Variants in ACTR3 observed in about 807,000 individuals in gnomAD.
ACTR3 encodes actin-related protein 3.
In ACTR3, 12 loss-of-function variants were observed where a neutral mutation model predicts 56.8. The observed-to-expected ratio is 0.21, with a 90% CI of 0.14 to 0.34. ACTR3 has a LOEUF of 0.34. ACTR3 is among the 10% of genes least tolerant of loss of function. ACTR3 has a pLI of 1.00. For synonymous variants in ACTR3, 162 were observed against 167.4 expected (o/e 0.97, Z 0.25); for missense variants, 282 against 512.5 (o/e 0.55, Z 4.34).
Position 113,959,635 on chromosome 2 carries a change from C to G in ACTR3, c.*2180C>G, listed in dbSNP as rs76502791. ...TTTGCTCTACTTTTAGAGGAGTGAA[C>G]CCTAATAGGATGGTAGCAGCATTCT... On this transcript the variant is annotated 3_prime_UTR_variant, in exon 12 of 12. Transcript: ENST00000263238. 1 of 152,084 alleles carries G rather than the reference C, an allele frequency of 6.6e-6. No individual in the cohort carries two copies. Among genetic ancestry groups the G allele is most frequent in the East Asian group, 1.9e-4 (1 of 5,188 alleles). 9.4% of individuals were successfully genotyped at this position (152,084 alleles called of 1,614,324 possible).
intron 1 of ACTR3, among the ~76,000 whole-genome samples, chr2:113,896,880 A>G (rs1302939370): frequency 6.6e-6 from 1 of 152,228 alleles, no homozygotes; most frequent in Non-Finnish European, 1.5e-5. Context: ...GCTCTAGCTA[A>G]ATTTCCCTTG....
intron 3 of ACTR3, among the ~76,000 whole-genome samples, chr2:113,925,607 G>A (rs1051368197): frequency 3.3e-5 from 5 of 152,194 alleles, no homozygotes; most frequent in Admixed American, 2.0e-4. Flanking sequence ...ATTTGTGCCA[G>A]TGGCTTACAG....
In ACTR3 at chr2:113,958,062, A is replaced by G. The variant is rs911756557; in HGVS notation, c.*607A>G. On this transcript the variant is annotated 3_prime_UTR_variant, in exon 12 of 12. Transcript: ENST00000263238. The stretch of plus-strand genomic sequence containing the variant: ...AACTAAGAGCTAGTATCTTGGATTA[A>G]CTGATGCCTGCTAGTGCTTTCTGAT... The G allele has an allele frequency of 2.0e-5, 3 of 152,470 alleles. No homozygotes were observed. The allele number at this position is 152,470 out of a possible 1,614,324, so 9.4% of individuals were successfully genotyped here. A position where few individuals can be genotyped will look rare whatever the true frequency, so the allele number is the denominator to read the frequency against.
At chr2:113,949,176 G>C (rs1277440833) in intron 8 of ACTR3, among the ~76,000 whole-genome samples, 1 of 151,174 alleles carries the variant, frequency 6.6e-6, no homozygotes, top group Non-Finnish European at 1.5e-5. Context: ...TCAGGAGTTC[G>C]AGATCAGCCT....
chr2:113,937,797 A>G (rs1679854963), intron 6 of ACTR3, among the ~76,000 whole-genome samples: 2 of 152,082 alleles, frequency 1.3e-5, no homozygotes, highest in Admixed American at 1.3e-4. Flanking sequence ...GTTTTTAGCA[A>G]TTTGATTGTG....
At chr2:113,900,111 T>G (rs998499109) in intron 1 of ACTR3, among the ~76,000 whole-genome samples, 8 of 152,172 alleles carry the variant, frequency 5.3e-5, no homozygotes, top group African/African-American at 1.9e-4. Context: ...TACTGTAAAG[T>G]TTACTCTTTT....
At chr2:113,943,932 AAC>A (rs781518868) in intron 8 of ACTR3, among the ~76,000 whole-genome samples, 1 of 152,222 alleles carries the variant, frequency 6.6e-6, no homozygotes, top group Non-Finnish European at 1.5e-5. Flanking sequence ...GGCCTTCGTG[AAC>A]ACAGACACGT....
chr2:113,890,226 C>G lies in ACTR3; in HGVS notation c.-54C>G. 1 of 1,550,384 alleles carries G rather than the reference C, an allele frequency of 6.5e-7. No homozygotes were observed. Among genetic ancestry groups the G allele is most frequent in the Non-Finnish European group, 8.7e-7 (1 of 1,146,014 alleles). On this transcript the variant is annotated 5_prime_UTR_variant, in exon 1 of 12. Coordinates refer to ENST00000263238, the MANE Select transcript of ACTR3 (RefSeq NM_005721.5). Reference sequence around the variant, plus strand: ...CTTGTCTCCCGCCGCCAATCTCTGGCCCCTAGCAGCACGGAGCAGACGGCG... The same window carrying G: ...CTTGTCTCCCGCCGCCAATCTCTGGGCCCTAGCAGCACGGAGCAGACGGCG...
chr2:113,918,350 ATAT>A (rs1203329433), intron 3 of ACTR3, among the ~76,000 whole-genome samples: 1 of 149,482 alleles, frequency 6.7e-6, no homozygotes, highest in Admixed American at 6.6e-5. Context: ...TAAAATGGAG[ATAT>A]TATTAGTACT....
intron 1 of ACTR3, among the ~76,000 whole-genome samples, chr2:113,908,233 GC>G (rs1199516928): frequency 2.0e-5 from 3 of 148,862 alleles, no homozygotes; most frequent in Non-Finnish European, 4.4e-5. Flanking sequence ...TATGTCAAAT[GC>G]CAATTAGCTG....
In ACTR3 at chr2:113,942,363, A is replaced by T. The variant is rs757891294; in HGVS notation, c.858+4A>T. Reference sequence around the variant, plus strand: ...TGAAATCTTTTTTCATCCAGAGGTAATTTTTTTTAACGGAATTGTTTAAAA... The same window carrying T: ...TGAAATCTTTTTTCATCCAGAGGTATTTTTTTTTAACGGAATTGTTTAAAA... On this transcript the variant is annotated splice_donor_region_variant and intron_variant, in intron 8 of 11. Transcript: ENST00000263238. 3.2e-6 allele frequency: 5 copies of T among 1,558,826 alleles called. No individual in the cohort carries two copies. In the South Asian group the frequency reaches 4.9e-5, roughly 15 times the overall value.
chr2:113,956,888 TG>T (rs1680225344), intron 11 of ACTR3, among the ~76,000 whole-genome samples: 1 of 152,224 alleles, frequency 6.6e-6, no homozygotes, highest in Non-Finnish European at 1.5e-5. Context: ...TAACACAGCA[TG>T]GAACAGTCTA....
intron 8 of ACTR3, among the ~76,000 whole-genome samples, chr2:113,948,956 CTA>C (rs1030382641): frequency 1.5e-5 from 1 of 68,320 alleles, no homozygotes; most frequent in Non-Finnish European, 2.4e-5. Flanking sequence ...TTCGTATATC[CTA>C]TGTCTTTTTC....
intron 8 of ACTR3, among the ~76,000 whole-genome samples, chr2:113,946,634 TTTTCTCCCATTCTGTAGG>T (rs1680025499): frequency 6.6e-6 from 1 of 152,196 alleles, no homozygotes; most frequent in Admixed American, 6.5e-5. Context: ...TTTGCAAAGA[TTTTCTCCCATTCTGTAGG>T]TTGTCTGTTT....
At chr2:113,914,631 A>AT (rs1279887655) in intron 2 of ACTR3, among the ~76,000 whole-genome samples, 2 of 141,924 alleles carry the variant, frequency 1.4e-5, no homozygotes, top group African/African-American at 5.9e-5. Flanking sequence ...AAAAAAAAAA[A>AT]AAGAAAGAAA....
rs1223606680 is a variant in ACTR3, at chr2:113,913,153, A to G, written c.45-19A>G. ...GCTAAAATATTAGTGAAATCTTTATAAATTATTTTGTTTTGCAGGTATACA... is the reference window on the plus strand; with the variant it reads ...GCTAAAATATTAGTGAAATCTTTATGAATTATTTTGTTTTGCAGGTATACA... On this transcript the variant is annotated intron_variant, in intron 1 of 11. Transcript: ENST00000263238. The G allele has an allele frequency of 1.3e-6, 2 of 1,490,518 alleles. No homozygotes were observed. Among genetic ancestry groups the G allele is most frequent in the South Asian group, 2.5e-5 (2 of 80,828 alleles). 92.3% of individuals were successfully genotyped at this position (1,490,518 alleles called of 1,614,324 possible).
intron 8 of ACTR3, among the ~76,000 whole-genome samples, chr2:113,945,507 A>G (rs771799145): frequency 2.6e-5 from 4 of 152,152 alleles, no homozygotes; most frequent in African/African-American, 4.8e-5. Flanking sequence ...TATTAGGTAA[A>G]TCAATAGTAT....
chr2:113,935,518 G>C (rs549698800), intron 6 of ACTR3, among the ~76,000 whole-genome samples: 1 of 152,222 alleles, frequency 6.6e-6, no homozygotes, highest in South Asian at 2.1e-4. Flanking sequence ...ATTCATCCAT[G>C]TTTTAGCACG....
At position 113,890,211 on chromosome 2, in the gene ACTR3, G is replaced by A; in HGVS notation, c.-69G>A. The A allele has an allele frequency of 6.5e-7, 1 of 1,547,184 alleles. No homozygotes were observed. Among genetic ancestry groups the A allele is most frequent in the Non-Finnish European group, 8.7e-7 (1 of 1,143,210 alleles). ...GATGGTCAGATAGCCCTTGTCTCCC[G>A]CCGCCAATCTCTGGCCCCTAGCAGC... On this transcript the variant is annotated 5_prime_UTR_variant, in exon 1 of 12. Transcript: ENST00000263238.
Sources: gnomAD v4.1 joint callset for allele counts (sites outside exome capture counted in the v4.1 genomes callset) on GRCh38, gnomAD v4.1.1 for gene constraint, MANE v1.5 for transcripts, NCBI Gene and HGNC (gene_info 2026-07-23, HGNC 2026-07-21) for gene names.